The following SEMA6D variants were observed in gnomAD, a reference collection of about 807,000 sequenced individuals.
The protein encoded by SEMA6D is semaphorin-6D.
In SEMA6D, 35 loss-of-function variants were observed where a neutral mutation model predicts 106.6. The observed-to-expected ratio is 0.33, with a 90% CI of 0.25 to 0.44. The LOEUF (loss-of-function observed/expected upper bound fraction) is 0.44, where lower values mean the gene tolerates loss of function less well. Ranked by LOEUF, SEMA6D falls within the 20% of genes least tolerant of loss-of-function variation. SEMA6D has a pLI of 1.00. For synonymous variants in SEMA6D, 499 were observed against 487.7 expected (o/e 1.02, Z -0.31); for missense variants, 1,185 against 1,345.9 (o/e 0.88, Z 1.87).
At chr15:47,483,408 G>T (rs2043209088) in intron 3 of SEMA6D, among the ~76,000 whole-genome samples, 1 of 152,054 alleles carries the variant, frequency 6.6e-6, no homozygotes, top group Non-Finnish European at 1.5e-5. Context: ...AGAACATTTG[G>T]CTCATTGGAG....
In SEMA6D at chr15:47,370,074, T is replaced by C. The variant is rs188724022; in HGVS notation, c.-238-42319T>C. 2.4e-4 allele frequency among the ~76,000 whole-genome samples: 36 copies of C among 152,348 alleles called. No homozygotes were observed. The Middle Eastern group carries it at 0.01, about 43-fold the overall frequency. On this transcript the variant is annotated intron_variant, in intron 1 of 19. Transcript: ENST00000558014. ...CACACATAAACCAACTGAGTTTGGCTTGTTTCTTCTGGCAAAGGGCAACCT... is the reference window on the plus strand; with the variant it reads ...CACACATAAACCAACTGAGTTTGGCCTGTTTCTTCTGGCAAAGGGCAACCT...
rs1186323556 is a variant in SEMA6D, at chr15:47,759,642, AG to A, written c.-54-99del. ...CCACTGCCAGCATTCCTGGTGGGAG[AG>A]GGGCTTTGGAGGGAGCTGATGGTGA... On this transcript the variant is annotated intron_variant, in intron 1 of 18. Transcript: ENST00000536845. The A allele has an allele frequency of 2.0e-5, 12 of 612,756 alleles. No homozygotes were observed. In the Admixed American group the frequency reaches 2.8e-4, roughly 14 times the overall value. The allele number at this position is 612,756 out of a possible 1,614,324, so 38.0% of individuals were successfully genotyped here.
intron 3 of SEMA6D, among the ~76,000 whole-genome samples, chr15:47,583,184 A>G (rs756216666): frequency 6.6e-6 from 1 of 152,148 alleles, no homozygotes; most frequent in East Asian, 1.9e-4. Context: ...CAGCTGTGAC[A>G]CCTGCTAAAC....
intron 3 of SEMA6D, among the ~76,000 whole-genome samples, chr15:47,574,409 A>G (rs886750932): frequency 6.6e-5 from 10 of 152,186 alleles, no homozygotes; most frequent in Admixed American, 5.9e-4. Flanking sequence ...TGTTTCTCCC[A>G]TTTGGTTGAA....
chr15:47,353,385 T>A (rs1798545354), intron 1 of SEMA6D, among the ~76,000 whole-genome samples: 1 of 152,178 alleles, frequency 6.6e-6, no homozygotes, highest in African/African-American at 2.4e-5. Flanking sequence ...CTGGCATTCA[T>A]GGTAGAACAT....
At chr15:47,744,980 A>G (rs887121636) in intron 1 of SEMA6D, among the ~76,000 whole-genome samples, 1 of 152,190 alleles carries the variant, frequency 6.6e-6, no homozygotes, top group African/African-American at 2.4e-5. Context: ...TGGCTTTCTC[A>G]TGGTCTGTCA....
At chr15:47,744,111 T>C (rs1396143315) in intron 1 of SEMA6D, among the ~76,000 whole-genome samples, 1 of 152,170 alleles carries the variant, frequency 6.6e-6, no homozygotes, top group Non-Finnish European at 1.5e-5. Context: ...AAAGATAAAG[T>C]AGAGAACAGA....
At chr15:47,335,601 A>C (rs1567007053) in intron 1 of SEMA6D, among the ~76,000 whole-genome samples, 1 of 152,210 alleles carries the variant, frequency 6.6e-6, no homozygotes, top group East Asian at 1.9e-4. Context: ...GTGATTAAGG[A>C]AGTGCCTTCT....
rs143776143 is a variant in SEMA6D at position 47,411,518 on chromosome 15, C to T, written c.-238-875C>T. ...CAGATGGTAAATATAAAACTTATAT[C>T]TCCTCTTAGCATCAAACAAGCTAAC... On this transcript the variant is annotated intron_variant, in intron 1 of 19. Coordinates refer to the SEMA6D transcript ENST00000558014. Among the ~76,000 whole-genome samples the T allele has an allele frequency of 9.5e-3, 1,453 of 152,206 alleles. 14 individuals are homozygous for T. Among genetic ancestry groups the T allele is most frequent in the Admixed American group, 0.024 (365 of 15,272 alleles).
rs550189395 is a variant in SEMA6D at position 47,362,002 on chromosome 15, A to G, written c.-238-50391A>G. ...ATTAAAACAAAAATGAGCTTGTTAG[A>G]GTAAATTAGACTTCATAAATGTGTT... is the stretch of plus-strand genomic sequence containing the variant. On this transcript the variant is annotated intron_variant, in intron 1 of 19. Coordinates refer to the SEMA6D transcript ENST00000558014. 6.6e-5 allele frequency among the ~76,000 whole-genome samples: 10 copies of G among 152,378 alleles called. No individual in the cohort carries two copies. In the South Asian group the frequency reaches 1.9e-3, roughly 28 times the overall value.
Position 47,771,160 on chromosome 15 carries a change from A to G in SEMA6D, c.2597A>G (p.Lys866Arg). ...CACCCTCTCACAAAGTCATCCAGTA[A>G]GAGAGATCACCGGCGTTCTGTTGAT... is the stretch of plus-strand genomic sequence containing the variant. ...IDHPLTKSSS[K>R]RDHRRSVDSR... Residue 866 changes from lysine to arginine, a missense_variant, in exon 19 of 19, where the codon AAG (lysine) becomes AGG (arginine). Coordinates refer to ENST00000536845, the MANE Select transcript of SEMA6D (RefSeq NM_001358351.3). 1 of 1,614,120 alleles carries G rather than the reference A, an allele frequency of 6.2e-7. No homozygotes were observed. Among genetic ancestry groups the G allele is most frequent in the Non-Finnish European group, 8.5e-7 (1 of 1,180,000 alleles).
intron 1 of SEMA6D, among the ~76,000 whole-genome samples, chr15:47,370,136 A>T (rs1444233786): frequency 1.3e-5 from 2 of 152,178 alleles, no homozygotes; most frequent in East Asian, 3.8e-4. Context: ...ACTCTTCAAT[A>T]CTTAAAGTCT....
intron 4 of SEMA6D, among the ~76,000 whole-genome samples, chr15:47,692,177 A>G (rs948529259): frequency 6.6e-6 from 1 of 152,148 alleles, no homozygotes; most frequent in African/African-American, 2.4e-5. Flanking sequence ...GCTTATATGC[A>G]TATTTGTTCC....
At chr15:47,236,437 G>A (rs973723578) in intron 1 of SEMA6D, among the ~76,000 whole-genome samples, 1 of 152,042 alleles carries the variant, frequency 6.6e-6, no homozygotes, top group Non-Finnish European at 1.5e-5. Context: ...AGCATTTTAT[G>A]TAACCAATAT....
intron 4 of SEMA6D, among the ~76,000 whole-genome samples, chr15:47,637,460 A>G (rs57257803): frequency 6.6e-6 from 1 of 152,088 alleles, no homozygotes; most frequent in Non-Finnish European, 1.5e-5. Context: ...CTGATAGAGG[A>G]TACACTTTTT....
intron 1 of SEMA6D, among the ~76,000 whole-genome samples, chr15:47,742,391 T>C (rs796805001): frequency 5.3e-5 from 8 of 152,154 alleles, no homozygotes; most frequent in African/African-American, 1.9e-4. Flanking sequence ...CAGCCAGCGG[T>C]GCCTTGCTGC....
chr15:47,759,427 G>T (rs1221275787), intron 1 of SEMA6D, among the ~76,000 whole-genome samples: 1 of 152,134 alleles, frequency 6.6e-6, no homozygotes, highest in East Asian at 1.9e-4. Flanking sequence ...TCCCAACTTT[G>T]CCCATCTTCT....
chr15:47,629,559 A>G lies in SEMA6D; in HGVS notation c.-55+28663A>G, dbSNP rs569607346. 3.3e-5 allele frequency among the ~76,000 whole-genome samples: 5 copies of G among 152,068 alleles called. No homozygotes were observed. In the South Asian group the frequency reaches 1.0e-3, roughly 32 times the overall value. ...GGAGTATCCAGCATCCTGAGTGTTT[A>G]TCATTTTTACATGTCAATATAATTT... On this transcript the variant is annotated intron_variant, in intron 4 of 19. Transcript: ENST00000558014.
In SEMA6D at chr15:47,767,044, G is replaced by A. The variant is rs2082381573; in HGVS notation, c.1716G>A (p.Leu572=). The A allele has an allele frequency of 6.5e-7, 1 of 1,538,156 alleles. No homozygotes were observed. Among genetic ancestry groups the A allele is most frequent in the African/African-American group, 1.4e-5 (1 of 70,582 alleles). ...TTCCTTTAATTCTTTTAGAAATTTT[G>A]CCTACTTCAACTACACCAGATTACA... ...TAHLGDCHEI[L]PTSTTPDYKI... The change falls in exon 17 of 19, where the codon TTG becomes TTA. Residue 572 remains leucine, a synonymous_variant. Coordinates refer to ENST00000536845, the MANE Select transcript of SEMA6D (RefSeq NM_001358351.3).
Sources: gnomAD v4.1 joint callset for allele counts (sites outside exome capture counted in the v4.1 genomes callset) on GRCh38, gnomAD v4.1.1 for gene constraint, MANE v1.5 for transcripts, NCBI Gene and HGNC (gene_info 2026-07-23, HGNC 2026-07-21) for gene names.